The following IMMP2L variants were observed in gnomAD, a reference collection of about 807,000 sequenced individuals.
IMMP2L encodes the protein mitochondrial inner membrane protease subunit 2.
In IMMP2L, 18 loss-of-function variants were observed where a neutral mutation model predicts 19.3. The observed-to-expected ratio is 0.93, with a 90% CI of 0.64 to 1.38. The LOEUF is 1.38. IMMP2L is among the 40% of genes most tolerant of loss of function. The pLI is 0.00. For synonymous variants in IMMP2L, 76 were observed against 73.0 expected (o/e 1.04, Z -0.21); for missense variants, 233 against 218.2 (o/e 1.07, Z -0.43).
At chr7:111,364,574 G>T (rs139734185) in intron 3 of IMMP2L, among the ~76,000 whole-genome samples, 3,225 of 151,284 alleles carry the variant, frequency 0.021, 121 homozygotes, top group African/African-American at 0.074. Context: ...GGCAGAGGTT[G>T]CAGTGAGTCA....
chr7:111,323,100 C>A (rs1563058099), intron 3 of IMMP2L, among the ~76,000 whole-genome samples: 1 of 151,498 alleles, frequency 6.6e-6, no homozygotes, highest in Admixed American at 6.6e-5. Flanking sequence ...TAGAAAAAGA[C>A]TGACAACAGA....
intron 3 of IMMP2L, among the ~76,000 whole-genome samples, chr7:111,112,072 C>G (rs905211540): frequency 6.6e-6 from 1 of 150,888 alleles, no homozygotes; most frequent in Middle Eastern, 3.4e-3. Context: ...CTCAGCCTCC[C>G]GAGTAGCTGG....
At chr7:111,080,073 G>A (rs1377427962) in intron 3 of IMMP2L, among the ~76,000 whole-genome samples, 1 of 151,942 alleles carries the variant, frequency 6.6e-6, no homozygotes, top group African/African-American at 2.4e-5. Context: ...TTCTGTTACA[G>A]CAACAGAAAA....
intron 3 of IMMP2L, among the ~76,000 whole-genome samples, chr7:111,239,474 C>T (rs1203034065): frequency 6.6e-6 from 1 of 151,798 alleles, no homozygotes; most frequent in Non-Finnish European, 1.5e-5. Context: ...TAAACACCTC[C>T]TTGGTTCAAT....
chr7:111,077,030 G>GGA (rs1451141417), intron 3 of IMMP2L, among the ~76,000 whole-genome samples: 3 of 152,208 alleles, frequency 2.0e-5, no homozygotes, highest in African/African-American at 4.8e-5. Context: ...GGTGGAATCA[G>GGA]GAAAATCTTA....
chr7:110,765,570 G>A (rs1798607418), intron 5 of IMMP2L, among the ~76,000 whole-genome samples: 1 of 152,040 alleles, frequency 6.6e-6, no homozygotes, highest in East Asian at 1.9e-4. Context: ...TCAGTATTTT[G>A]TCTATGGTTA....
chr7:110,667,664 AAGG>A (rs1791555498), intron 5 of IMMP2L, among the ~76,000 whole-genome samples: 1 of 152,186 alleles, frequency 6.6e-6, no homozygotes, highest in Non-Finnish European at 1.5e-5. Flanking sequence ...CAGAGAAAGG[AAGG>A]AGATGAATTA....
intron 1 of IMMP2L, among the ~76,000 whole-genome samples, chr7:111,539,132 A>AGGAAGGAAGGAAGG (rs1563329904): frequency 3.2e-5 from 2 of 61,584 alleles, no homozygotes; most frequent in African/African-American, 1.3e-4. Context: ...AAAGAAAAGA[A>AGGAAGGAAGGAAGG]AAGGAAGGAA....
intron 5 of IMMP2L, among the ~76,000 whole-genome samples, chr7:110,826,882 T>C (rs1803548729): frequency 1.3e-5 from 2 of 151,812 alleles, no homozygotes; most frequent in Admixed American, 6.6e-5. Flanking sequence ...AAAAAAAAGT[T>C]AATAATTTTA....
At chr7:110,860,941 T>G in intron 5 of IMMP2L, among the ~76,000 whole-genome samples, 1 of 152,206 alleles carries the variant, frequency 6.6e-6, no homozygotes, top group South Asian at 2.1e-4. Context: ...GATAAAAATG[T>G]ATGTAATGAA....
At chr7:111,346,849 T>C (rs114023894) in intron 3 of IMMP2L, among the ~76,000 whole-genome samples, 3,270 of 152,152 alleles carry the variant, frequency 0.021, 121 homozygotes, top group African/African-American at 0.075. Flanking sequence ...GGGCTTTAAA[T>C]TCCAGCTACA....
At chr7:110,682,114 T>C (rs1288294691) in intron 5 of IMMP2L, among the ~76,000 whole-genome samples, 1 of 152,132 alleles carries the variant, frequency 6.6e-6, no homozygotes, top group Non-Finnish European at 1.5e-5. Context: ...TCCGAATCAC[T>C]CTTATGCCTC....
rs149978938 is a variant in IMMP2L, at chr7:111,364,212, C to T, written c.239+123026G>A. Among the ~76,000 whole-genome samples, 263 of 152,092 alleles carry T rather than the reference C, an allele frequency of 1.7e-3. 2 individuals carry two copies. The highest frequency in any genetic ancestry group is 6.1e-3 in the African/African-American group (255 of 41,532). Reference sequence around the variant, plus strand: ...AAAAGTCAAATTGAATAAAACAAAACGTGATTGTTAATCATAAGAATTGTA... The same window carrying T: ...AAAAGTCAAATTGAATAAAACAAAATGTGATTGTTAATCATAAGAATTGTA... On this transcript the variant is annotated intron_variant, in intron 3 of 5. Transcript: ENST00000405709.
intron 3 of IMMP2L, among the ~76,000 whole-genome samples, chr7:111,370,175 A>G (rs1830135916): frequency 6.6e-6 from 1 of 152,036 alleles, no homozygotes. Flanking sequence ...TTGGAAACCT[A>G]GAATCTAGGC....
Position 111,562,408 on chromosome 7 carries a change from T to C in IMMP2L, c.-560A>G, listed in dbSNP as rs1324192512. The C allele has an allele frequency of 6.7e-6, 1 of 149,076 alleles. No individual in the cohort carries two copies. Among genetic ancestry groups the C allele is most frequent in the Non-Finnish European group, 1.5e-5 (1 of 67,380 alleles). 9.2% of individuals were successfully genotyped at this position (149,076 alleles called of 1,614,324 possible). A position where few individuals can be genotyped will look rare whatever the true frequency, so the allele number is the denominator to read the frequency against. On this transcript the variant is annotated 5_prime_UTR_variant, in exon 1 of 6. Coordinates refer to ENST00000405709, the MANE Select transcript of IMMP2L (RefSeq NM_032549.4). ...CGGCGGCTACGCGCCCGCCGACCCCTGCCAGCCTCACAGCCCCCCACCCGC... is the reference window on the plus strand; with the variant it reads ...CGGCGGCTACGCGCCCGCCGACCCCCGCCAGCCTCACAGCCCCCCACCCGC...
intron 3 of IMMP2L, among the ~76,000 whole-genome samples, chr7:111,485,720 T>C (rs973909292): frequency 1.2e-4 from 18 of 151,502 alleles, no homozygotes; most frequent in African/African-American, 2.4e-4. Flanking sequence ...TCAATCACTA[T>C]GAATATTTAT....
At chr7:110,901,086 TTCTC>T (rs751809524) in intron 4 of IMMP2L, among the ~76,000 whole-genome samples, 81 of 152,208 alleles carry the variant, frequency 5.3e-4, no homozygotes, top group Admixed American at 1.1e-3. Context: ...TTTAAATATC[TTCTC>T]TCTATTTAAA....
chr7:111,428,805 A>G (rs572197907), intron 3 of IMMP2L, among the ~76,000 whole-genome samples: 3 of 152,024 alleles, frequency 2.0e-5, no homozygotes, highest in African/African-American at 7.3e-5. Context: ...ACAAATATGT[A>G]CATACTCTCT....
At chr7:110,731,527 G>A (rs1433565992) in intron 5 of IMMP2L, among the ~76,000 whole-genome samples, 1 of 152,084 alleles carries the variant, frequency 6.6e-6, no homozygotes, top group Non-Finnish European at 1.5e-5. Flanking sequence ...CTGTAATTTG[G>A]GGGTGACACA....
Sources: gnomAD v4.1 joint callset for allele counts (sites outside exome capture counted in the v4.1 genomes callset) on GRCh38, gnomAD v4.1.1 for gene constraint, MANE v1.5 for transcripts, NCBI Gene and HGNC (gene_info 2026-07-23, HGNC 2026-07-21) for gene names.